Variants in GALNT17 observed in about 807,000 individuals in gnomAD.
GALNT17 encodes UDP-GalNAc:polypeptide N-acetylgalactosaminyltransferase-like 3.
A neutral mutation model predicts 63.7 loss-of-function variants in GALNT17; 29 were observed. That is an observed-to-expected ratio of 0.46 (90% CI 0.34 to 0.62). The LOEUF (loss-of-function observed/expected upper bound fraction) is 0.62, where lower values mean the gene tolerates loss of function less well. Among genes scored for constraint, GALNT17 ranks in the 20% least tolerant of loss-of-function variants. GALNT17 has a pLI of 0.01. For synonymous variants in GALNT17, 305 were observed against 318.3 expected (o/e 0.96, Z 0.45); for missense variants, 603 against 799.6 (o/e 0.75, Z 2.97).
intron 6 of GALNT17, among the ~76,000 whole-genome samples, chr7:71,651,322 G>C (rs1387255000): frequency 1.1e-4 from 12 of 106,656 alleles, no homozygotes; most frequent in Admixed American, 9.6e-4. Context: ...TTTTTTTTTT[G>C]AGATGGAGTC....
chr7:71,621,549 G>A (rs71535686), intron 6 of GALNT17, among the ~76,000 whole-genome samples: 27,585 of 135,426 alleles, frequency 0.2, 3,148 homozygotes, highest in Non-Finnish European at 0.22. Flanking sequence ...ATGGATTGAT[G>A]GATAGATGGA....
chr7:71,342,020 G>T (rs1239440476), intron 2 of GALNT17, among the ~76,000 whole-genome samples: 5 of 152,286 alleles, frequency 3.3e-5, no homozygotes, highest in South Asian at 2.1e-4. Context: ...TAGAGTTTGT[G>T]ACTACATTAA....
intron 1 of GALNT17, among the ~76,000 whole-genome samples, chr7:71,158,183 T>C (rs1401050765): frequency 6.6e-6 from 1 of 151,566 alleles, no homozygotes; most frequent in African/African-American, 2.4e-5. Context: ...GTTAGTTCTA[T>C]TTTTATTTTT....
intron 9 of GALNT17, among the ~76,000 whole-genome samples, chr7:71,684,702 A>G (rs111302314): frequency 0.025 from 3,751 of 152,250 alleles, 156 homozygotes; most frequent in African/African-American, 0.083. Flanking sequence ...TTGTTCTGTC[A>G]TCTAGGCTGG....
intron 6 of GALNT17, among the ~76,000 whole-genome samples, chr7:71,609,292 G>A (rs1269278918): frequency 3.3e-5 from 5 of 152,148 alleles, no homozygotes; most frequent in South Asian, 2.1e-4. Flanking sequence ...AGAGGGAGTC[G>A]GGTACCATAG....
At chr7:71,594,888 C>A (rs914317854) in intron 6 of GALNT17, among the ~76,000 whole-genome samples, 1 of 152,186 alleles carries the variant, frequency 6.6e-6, no homozygotes, top group African/African-American at 2.4e-5. Flanking sequence ...GAAGTCCTTA[C>A]CCCTGGTGCT....
At chr7:71,537,335 T>C (rs547862366) in intron 5 of GALNT17, among the ~76,000 whole-genome samples, 38 of 152,290 alleles carry the variant, frequency 2.5e-4, no homozygotes, top group African/African-American at 7.9e-4. Context: ...CAAGGATGTG[T>C]TCACATCCTG....
intron 1 of GALNT17, among the ~76,000 whole-genome samples, chr7:71,322,682 C>T (rs532982422): frequency 3.9e-5 from 6 of 152,158 alleles, no homozygotes; most frequent in Admixed American, 6.5e-5. Context: ...TGAGGCCTTT[C>T]GGAGGTAATC....
At chr7:71,300,413 T>C (rs756006238) in intron 1 of GALNT17, 3 of 456,242 alleles carry the variant, frequency 6.6e-6, no homozygotes, top group South Asian at 4.6e-5. Flanking sequence ...TTCCCTCCTG[T>C]GTCCCTCTCT....
chr7:71,407,972 G>GTT (rs1583925919), intron 3 of GALNT17, among the ~76,000 whole-genome samples: 1 of 152,120 alleles, frequency 6.6e-6, no homozygotes, highest in East Asian at 1.9e-4. Context: ...TGATGAAAAA[G>GTT]TTCTAGATAG....
chr7:71,631,706 G>A (rs1404955), intron 6 of GALNT17, among the ~76,000 whole-genome samples: 135,244 of 152,036 alleles, frequency 0.89, 62,217 homozygotes, highest in Non-Finnish European at 1. Flanking sequence ...ACCATTTGCC[G>A]TCATGTAGAT....
At chr7:71,708,108 T>C (rs771111712) in intron 9 of GALNT17, among the ~76,000 whole-genome samples, 12 of 152,220 alleles carry the variant, frequency 7.9e-5, no homozygotes, top group Non-Finnish European at 1.8e-4. Context: ...ATAAATTCTG[T>C]TGCAATAAAT....
intron 1 of GALNT17, among the ~76,000 whole-genome samples, chr7:71,151,068 C>CTG (rs1788124446): frequency 6.6e-6 from 1 of 151,908 alleles, no homozygotes; most frequent in African/African-American, 2.4e-5. Context: ...CTGCTATCTC[C>CTG]TGTGTGGGAC....
intron 9 of GALNT17, 40 bp downstream of exon 9, chr7:71,677,346 C>T: frequency 1.3e-6 from 2 of 1,583,174 alleles, no homozygotes; most frequent in Non-Finnish European, 1.7e-6. Context: ...GTAATATCAC[C>T]ATCTCCGACC....
intron 1 of GALNT17, among the ~76,000 whole-genome samples, chr7:71,315,749 C>T (rs950512517): frequency 4.6e-5 from 7 of 152,100 alleles, no homozygotes; most frequent in Middle Eastern, 3.2e-3. Flanking sequence ...ATGTTGAGTG[C>T]GGCCTCAAGG....
At chr7:71,380,868 G>A (rs758858232) in intron 2 of GALNT17, among the ~76,000 whole-genome samples, 2 of 152,038 alleles carry the variant, frequency 1.3e-5, no homozygotes, top group Admixed American at 1.3e-4. Context: ...CATTTCCAGT[G>A]TGCAGGAACC....
Position 71,596,240 on chromosome 7 carries a change from A to G in GALNT17, c.1080+24838A>G, listed in dbSNP as rs1015306409. On this transcript the variant is annotated intron_variant, in intron 6 of 10. Coordinates refer to ENST00000333538, the MANE Select transcript of GALNT17 (RefSeq NM_022479.3). ...TTTTTAGTAGAGACGGGGTTTCACC[A>G]TGTTGGCCAGGCTGGTCTCAAACTC... 7.2e-5 allele frequency among the ~76,000 whole-genome samples: 11 copies of G among 152,228 alleles called. No individual in the cohort carries two copies. The South Asian group carries it at 8.3e-4, about 11-fold the overall frequency.
chr7:71,179,923 T>C (rs1477579802), intron 1 of GALNT17, among the ~76,000 whole-genome samples: 2 of 152,220 alleles, frequency 1.3e-5, no homozygotes, highest in Admixed American at 6.5e-5. Context: ...TGATAATTGT[T>C]ACTTGCAGGA....
chr7:71,546,162 T>C (rs974723119), intron 5 of GALNT17, among the ~76,000 whole-genome samples: 2 of 66,542 alleles, frequency 3.0e-5, no homozygotes, highest in Admixed American at 3.4e-4. Flanking sequence ...TGAGGGACAC[T>C]TTTTTTTTTT....
Sources: gnomAD v4.1 joint callset for allele counts (sites outside exome capture counted in the v4.1 genomes callset) on GRCh38, gnomAD v4.1.1 for gene constraint, MANE v1.5 for transcripts, NCBI Gene and HGNC (gene_info 2026-07-23, HGNC 2026-07-21) for gene names.